Variants in ANAPC1 observed in about 807,000 individuals in gnomAD.
ANAPC1 encodes anaphase-promoting complex subunit 1.
A neutral mutation model predicts 208.0 loss-of-function variants in ANAPC1; 36 were observed. That is an observed-to-expected ratio of 0.17 (90% CI 0.13 to 0.23). The LOEUF (loss-of-function observed/expected upper bound fraction) is 0.23. ANAPC1 is among the 10% of genes least tolerant of loss of function. The pLI is 1.00. For synonymous variants in ANAPC1, 378 were observed against 695.2 expected (o/e 0.54, Z 7.18); for missense variants, 942 against 2,011.6 (o/e 0.47, Z 10.17).
intron 17 of ANAPC1, among the ~76,000 whole-genome samples, chr2:111,842,904 T>C (rs1473080334): frequency 6.6e-6 from 1 of 152,166 alleles, no homozygotes; most frequent in Admixed American, 6.5e-5. Context: ...TAAGGCTTTA[T>C]ACCATTAACA....
chr2:111,872,714 T>C lies in ANAPC1; in HGVS notation c.529-2A>G. 2 of 1,610,558 alleles carry C rather than the reference T, an allele frequency of 1.2e-6. No individual in the cohort carries two copies. Among genetic ancestry groups the C allele is most frequent in the Non-Finnish European group, 1.7e-6 (2 of 1,176,914 alleles). On this transcript the variant is annotated splice_acceptor_variant, in intron 5 of 47. Coordinates refer to ENST00000341068, the MANE Select transcript of ANAPC1 (RefSeq NM_022662.4). LOFTEE classifies it high-confidence loss of function. ...TTTAGTGGGCCAAACATTTGCAACC[T>C]TTCAGGTAAAAGGGTGGGAAAAGAT...
rs1679792341 is a variant in ANAPC1, at chr2:111,825,645, A to G, written c.2704+132T>C. The G allele has an allele frequency of 1.1e-5, 9 of 819,064 alleles. No individual in the cohort carries two copies. The South Asian group carries it at 1.2e-4, about 11-fold the overall frequency. 50.7% of individuals were successfully genotyped at this position (819,064 alleles called of 1,614,324 possible). The stretch of plus-strand genomic sequence containing the variant: ...AAATTAGTTGTGGACAAAAGACCGC[A>G]ACAGACCAGAACAGTACTAAAAAGG... On this transcript the variant is annotated intron_variant, in intron 22 of 47. Transcript: ENST00000341068.
intron 16 of ANAPC1, among the ~76,000 whole-genome samples, chr2:111,845,145 G>A (rs1404942764): frequency 6.6e-6 from 1 of 152,106 alleles, no homozygotes; most frequent in Non-Finnish European, 1.5e-5. Flanking sequence ...CACCACACCT[G>A]GCCTTATACC....
chr2:111,862,392 A>G lies in ANAPC1; in HGVS notation c.1259T>C (p.Ile420Thr). 6.5e-7 allele frequency: 1 copy of G among 1,531,778 alleles called. No homozygotes were observed. Among genetic ancestry groups the G allele is most frequent in the Non-Finnish European group, 8.8e-7 (1 of 1,142,312 alleles). The allele number at this position is 1,531,778 out of a possible 1,614,324, so 94.9% of individuals were successfully genotyped here. Reference protein sequence around the residue: ...DHLWTETITNIREKNSQASKV... With the variant: ...DHLWTETITNTREKNSQASKV... ...TATAATAATATATATAACAAACCTT[A>G]TATTAGTAATCGTTTCTGTCCACAA... is the stretch of plus-strand genomic sequence containing the variant. Residue 420 changes from isoleucine to threonine, a missense_variant, in exon 10 of 48, where the codon ATA becomes ACA. By Grantham distance (89) the Ile-to-Thr change is moderately conservative. Coordinates refer to ENST00000341068, the MANE Select transcript of ANAPC1 (RefSeq NM_022662.4).
intron 16 of ANAPC1, among the ~76,000 whole-genome samples, chr2:111,843,819 G>GTTTTTTT (rs1680901262): frequency 5.9e-5 from 3 of 50,644 alleles, no homozygotes; most frequent in Admixed American, 2.3e-4. Context: ...TCTGAAGACA[G>GTTTTTTT]CTTTTTTTTT....
intron 47 of ANAPC1, among the ~76,000 whole-genome samples, chr2:111,769,751 G>A (rs1573283569): frequency 7.3e-6 from 1 of 136,748 alleles, no homozygotes; most frequent in Non-Finnish European, 1.6e-5. Flanking sequence ...GCGCTCTCTC[G>A]GCTCACTGCA....
At chr2:111,831,174 C>T (rs7587482) in intron 21 of ANAPC1, 112 bp downstream of exon 21, 558,924 of 919,716 alleles carry the variant, frequency 0.61, 172,270 homozygotes, top group South Asian at 0.68. Context: ...AATCTATACA[C>T]GTACTGAAAT....
chr2:111,835,760 T>C (rs1167241802), intron 18 of ANAPC1, among the ~76,000 whole-genome samples: 10 of 152,238 alleles, frequency 6.6e-5, no homozygotes, highest in African/African-American at 2.2e-4. Context: ...GAGAATGGCA[T>C]GAACCTGGGA....
chr2:111,778,278 T>C (rs188576030), intron 45 of ANAPC1, among the ~76,000 whole-genome samples: 3 of 152,340 alleles, frequency 2.0e-5, no homozygotes, highest in East Asian at 3.9e-4. Context: ...CTTTATCACA[T>C]AGGTCTAATT....
At chr2:111,858,252 A>G in intron 11 of ANAPC1, 54 bp downstream of exon 11, 2 of 1,363,142 alleles carry the variant, frequency 1.5e-6, no homozygotes. Context: ...AAAGAAAAAG[A>G]AAAAGCAGTG....
chr2:111,808,047 G>C (rs1678785011), intron 29 of ANAPC1, among the ~76,000 whole-genome samples: 1 of 145,678 alleles, frequency 6.9e-6, no homozygotes, highest in South Asian at 2.2e-4. Flanking sequence ...TTCTCTCTTA[G>C]GTTTCTATCA....
Position 111,860,689 on chromosome 2 carries a change from G to A in ANAPC1, c.1262+1700C>T, listed in dbSNP as rs1682011516. Among the ~76,000 whole-genome samples the A allele has an allele frequency of 4.6e-5, 7 of 151,886 alleles. No homozygotes were observed. In the South Asian group the frequency reaches 1.2e-3, roughly 27 times the overall value. On this transcript the variant is annotated intron_variant, in intron 10 of 47. Coordinates refer to ENST00000341068, the MANE Select transcript of ANAPC1 (RefSeq NM_022662.4). ...GTATTTCCTGCTGCTTCTCCCATCT[G>A]ACCTCTTTTGCTTTGTCTCTCTGTG...
intron 34 of ANAPC1, among the ~76,000 whole-genome samples, chr2:111,795,556 GA>G (rs1213151888): frequency 7.0e-6 from 1 of 142,964 alleles, no homozygotes; most frequent in Non-Finnish European, 1.5e-5. Flanking sequence ...TGGGAAAAGA[GA>G]AATAGGAGAC....
rs747691768 is a variant in ANAPC1, at chr2:111,880,820, C to G, written c.6G>C (p.Ser2=). 6.2e-7 allele frequency: 1 copy of G among 1,613,498 alleles called. No homozygotes were observed. The highest frequency in any genetic ancestry group is 1.7e-5 in the Admixed American group (1 of 59,942). Residue 2 remains serine, a synonymous_variant, in exon 2 of 48, where the codon TCG becomes TCC. Coordinates refer to ENST00000341068, the MANE Select transcript of ANAPC1 (RefSeq NM_022662.4). ...TCGTTGTCCTTTCTTCATAGAAGTT[C>G]GACATGGGTTCCAAATATCAACATT... M[S]NFYEERTTMI...
chr2:111,789,055 G>A (rs1392499914), intron 38 of ANAPC1, among the ~76,000 whole-genome samples: 3 of 152,194 alleles, frequency 2.0e-5, no homozygotes, highest in African/African-American at 4.8e-5. Flanking sequence ...GGAGAATGGC[G>A]TGAACCCGGG....
chr2:111,865,911 A>T (rs17041471), intron 7 of ANAPC1: 8,729 of 244,132 alleles, frequency 0.036, 716 homozygotes, highest in African/African-American at 0.18. Flanking sequence ...CCATTAAGAA[A>T]TTTCATCATT....
At position 111,810,831 on chromosome 2, in the gene ANAPC1, C is replaced by T. The variant is rs368260885; in HGVS notation, c.3598-1650G>A. Among the ~76,000 whole-genome samples the T allele has an allele frequency of 4.6e-5, 6 of 130,820 alleles. No homozygotes were observed. In the South Asian group the frequency reaches 1.5e-3, roughly 32 times the overall value. 85.8% of individuals were successfully genotyped at this position (130,820 alleles called of 152,430 possible). ...CTGGGAGGTAGAGGTTGCAGTGAGA[C>T]GAGATCACACCACTGCACTCCAGCC... On this transcript the variant is annotated intron_variant, in intron 28 of 47. Coordinates refer to ENST00000341068, the MANE Select transcript of ANAPC1 (RefSeq NM_022662.4).
Position 111,834,691 on chromosome 2 carries a change from A to G in ANAPC1, c.2297T>C (p.Leu766Pro). ...CTTAAGCTCCTCATACACAAGGTGA[A>G]GAACGAAAAAAATTGCAGGTATGTG... is the stretch of plus-strand genomic sequence containing the variant. ...FTHIPAIFFV[L>P]HLVYEELKLN... Residue 766 changes from leucine to proline, a missense_variant, in exon 19 of 48, where the codon CTT (leucine) becomes CCT (proline). By Grantham distance (98) the Leu-to-Pro change is moderately conservative (BLOSUM62 -3). Coordinates refer to ENST00000341068, the MANE Select transcript of ANAPC1 (RefSeq NM_022662.4). The G allele has an allele frequency of 6.2e-7, 1 of 1,613,726 alleles. No individual in the cohort carries two copies. Among genetic ancestry groups the G allele is most frequent in the South Asian group, 1.1e-5 (1 of 91,050 alleles).
Position 111,778,326 on chromosome 2 carries a change from G to A in ANAPC1, c.5385+349C>T, listed in dbSNP as rs1279316777. Among the ~76,000 whole-genome samples the A allele has an allele frequency of 7.2e-5, 11 of 152,130 alleles. No individual in the cohort carries two copies. The East Asian group carries it at 7.7e-4, about 11-fold the overall frequency. On this transcript the variant is annotated intron_variant, in intron 45 of 47. Transcript: ENST00000341068. ...CATCGCTAGGGCTCTGTTCACTAAC[G>A]GCTCACATGCAGACTTCTACAAAGA...
Sources: allele counts gnomAD v4.1 joint callset (sites outside exome capture counted in the v4.1 genomes callset), GRCh38; gene constraint gnomAD v4.1.1; transcripts MANE v1.5; gene names NCBI Gene and HGNC (gene_info 2026-07-23, HGNC 2026-07-21).